Variants in SYNGR2 observed in about 807,000 individuals in gnomAD.
SYNGR2 encodes the protein synaptogyrin 2.
A neutral mutation model predicts 18.7 loss-of-function variants in SYNGR2; 11 were observed. That is an observed-to-expected ratio of 0.59 (90% CI 0.37 to 0.97). The LOEUF is 0.97. SYNGR2 is among the 50% of genes least tolerant of loss of function. SYNGR2 has a pLI of 0.01. For missense variants in SYNGR2, 253 were observed against 300.7 expected (o/e 0.84, Z 1.17); for synonymous variants, 127 against 131.0 (o/e 0.97, Z 0.21).
Position 78,172,693 on chromosome 17 carries a change from G to A in SYNGR2, c.*757G>A, listed in dbSNP as rs1371878090. On this transcript the variant is annotated 3_prime_UTR_variant, in exon 4 of 4. Transcript: ENST00000225777. ...AGATGCCCGGCCTGGGATGCTGTTT[G>A]GAGACGGAATAAATGTTTTCTCATT... 6.6e-6 allele frequency: 1 copy of A among 152,372 alleles called. No homozygotes were observed. The highest frequency in any genetic ancestry group is 2.4e-5 in the African/African-American group (1 of 41,448). The allele number at this position is 152,372 out of a possible 1,614,324, so 9.4% of individuals were successfully genotyped here.
chr17:78,170,050 G>A (rs903330935), intron 1 of SYNGR2: 1 of 152,524 alleles, frequency 6.6e-6, no homozygotes, highest in Non-Finnish European at 1.5e-5. Context: ...AAGGTGTTCA[G>A]GCAGAGGCTG....
chr17:78,171,332 C>A lies in SYNGR2; in HGVS notation c.338-178C>A. 1.3e-6 allele frequency: 1 copy of A among 799,186 alleles called. No individual in the cohort carries two copies. Among genetic ancestry groups the A allele is most frequent in the Non-Finnish European group, 1.9e-6 (1 of 520,000 alleles). 49.5% of individuals were successfully genotyped at this position (799,186 alleles called of 1,614,324 possible). Reference sequence around the variant, plus strand: ...AGGCTGTCTGCTGTGGCCCACCCTGCCAAGGCCCGAGTGTGGGGGACTTTG... The same window carrying A: ...AGGCTGTCTGCTGTGGCCCACCCTGACAAGGCCCGAGTGTGGGGGACTTTG... On this transcript the variant is annotated intron_variant, in intron 2 of 3. Transcript: ENST00000225777. This position sits in a 1 kb window ranked among gnomAD's most constrained non-coding sequence, Gnocchi z 6.6.
Position 78,170,961 on chromosome 17 carries a change from T to A in SYNGR2, c.244T>A (p.Ser82Thr). The part of the protein sequence containing the change: ...SAIGVLAFLA[S>T]AFFLVVDAYF... ...CATCGGGGTGCTGGCCTTCCTGGCC[T>A]CGGCCTTCTTCTTGGTGGTCGACGC... Residue 82 changes from serine to threonine, a missense_variant, in exon 2 of 4, where the codon TCG becomes ACG. Ser to Thr is a moderately conservative substitution (Grantham distance 58). Transcript: ENST00000225777. 6.2e-7 allele frequency: 1 copy of A among 1,613,164 alleles called. No homozygotes were observed. Among genetic ancestry groups the A allele is most frequent in the Non-Finnish European group, 8.5e-7 (1 of 1,180,004 alleles).
chr17:78,171,330 T>C lies in SYNGR2; in HGVS notation c.338-180T>C. 1.3e-6 allele frequency: 1 copy of C among 788,036 alleles called. No homozygotes were observed. The highest frequency in any genetic ancestry group is 2.7e-5 in the East Asian group (1 of 36,804). The allele number at this position is 788,036 out of a possible 1,614,324, so 48.8% of individuals were successfully genotyped here. ...CTAGGCTGTCTGCTGTGGCCCACCC[T>C]GCCAAGGCCCGAGTGTGGGGGACTT... On this transcript the variant is annotated intron_variant, in intron 2 of 3. Transcript: ENST00000225777. The surrounding 1 kb of genome is among the most constrained non-coding windows in gnomAD (Gnocchi z 6.6).
chr17:78,171,681 A>G lies in SYNGR2; in HGVS notation c.477+32A>G, dbSNP rs1175658640. 1 of 1,611,300 alleles carries G rather than the reference A, an allele frequency of 6.2e-7. No homozygotes were observed. Among genetic ancestry groups the G allele is most frequent in the Middle Eastern group, 1.7e-4 (1 of 6,052 alleles). ...TGGCCAGGGGCCGGTTCTTGGGTCA[A>G]GGGTGGTGGAGGGTGGGGTCCCCCA... On this transcript the variant is annotated intron_variant, in intron 3 of 3. Transcript: ENST00000225777. This position sits in a 1 kb window ranked among gnomAD's most constrained non-coding sequence, Gnocchi z 6.6.
chr17:78,172,097 G>A lies in SYNGR2; in HGVS notation c.*161G>A. The A allele has an allele frequency of 1.4e-6, 2 of 1,455,520 alleles. No homozygotes were observed. The highest frequency in any genetic ancestry group is 1.8e-6 in the Non-Finnish European group (2 of 1,103,234). The allele number at this position is 1,455,520 out of a possible 1,614,324, so 90.2% of individuals were successfully genotyped here. ...TCATAGCCTGGCGGGGGCTGGCAGAGCCACACCCCAAGTGCCTGTGCCCAG... is the reference window on the plus strand; with the variant it reads ...TCATAGCCTGGCGGGGGCTGGCAGAACCACACCCCAAGTGCCTGTGCCCAG... On this transcript the variant is annotated 3_prime_UTR_variant, in exon 4 of 4. Transcript: ENST00000225777.
chr17:78,172,918 T>A (rs1164548210), downstream of SYNGR2: 1 of 152,240 alleles, frequency 6.6e-6, no homozygotes, highest in Non-Finnish European at 1.5e-5. Context: ...CATCTTAAAA[T>A]AGTAACTGTG....
chr17:78,170,563 C>A lies in SYNGR2; in HGVS notation c.100-254C>A, dbSNP rs898854089. On this transcript the variant is annotated intron_variant, in intron 1 of 3. Coordinates refer to ENST00000225777, the MANE Select transcript of SYNGR2 (RefSeq NM_004710.7). ...AAAATACGGGTGTGGTGGAGGGCAC[C>A]TGTAATCCCAGCTACTAGGGAGGCT... 14 of 515,626 alleles carry A rather than the reference C, an allele frequency of 2.7e-5. No homozygotes were observed. The Admixed American group carries it at 4.3e-4, about 16-fold the overall frequency. The allele number at this position is 515,626 out of a possible 1,614,324, so 31.9% of individuals were successfully genotyped here. A position where few individuals can be genotyped will look rare whatever the true frequency, so the allele number is the denominator to read the frequency against.
At position 78,171,020 on chromosome 17, in the gene SYNGR2, C is replaced by A. The variant is rs141088963; in HGVS notation, c.303C>A (p.Arg101=). Reference sequence around the variant, plus strand: ...CCCAGATCAGCAACGCCACTGACCGCAAGTACCTGGTCATTGGTGACCTGC... The same window carrying A: ...CCCAGATCAGCAACGCCACTGACCGAAAGTACCTGGTCATTGGTGACCTGC... ...YFPQISNATD[R]KYLVIGDLLF... Residue 101 remains arginine (R), a synonymous_variant, in exon 2 of 4, where the codon CGC becomes CGA. Coordinates refer to ENST00000225777, the MANE Select transcript of SYNGR2 (RefSeq NM_004710.7). This position sits in a 1 kb window ranked among gnomAD's most constrained non-coding sequence, Gnocchi z 6.6. 1.4e-5 allele frequency: 23 copies of A among 1,613,318 alleles called. No homozygotes were observed. In the African/African-American group the frequency reaches 3.1e-4, roughly 22 times the overall value.
chr17:78,171,906 C>G lies in SYNGR2; in HGVS notation c.645C>G (p.Thr215=). 1.9e-6 allele frequency: 3 copies of G among 1,613,800 alleles called. No individual in the cohort carries two copies. The highest frequency in any genetic ancestry group is 2.5e-6 in the Non-Finnish European group (3 of 1,180,022). The change falls in exon 4 of 4, where the codon ACC becomes ACG. Residue 215 remains threonine (T), a synonymous_variant. Coordinates refer to ENST00000225777, the MANE Select transcript of SYNGR2 (RefSeq NM_004710.7). The surrounding 1 kb of genome is among the most constrained non-coding windows in gnomAD (Gnocchi z 6.6). ...QPPFTQNAET[T]EGYQPPPVY Reference sequence around the variant, plus strand: ...CCTTCACCCAGAACGCGGAGACCACCGAGGGCTACCAGCCGCCCCCTGTGT... The same window carrying G: ...CCTTCACCCAGAACGCGGAGACCACGGAGGGCTACCAGCCGCCCCCTGTGT...
Position 78,171,962 on chromosome 17 carries a change from C to G in SYNGR2, c.*26C>G. ...GCGGCGGTTAGCGTGGGAAGGGGGA[C>G]AGAGAGGGCCCTCCCCTCTGCCCTG... On this transcript the variant is annotated 3_prime_UTR_variant, in exon 4 of 4. Transcript: ENST00000225777. This position sits in a 1 kb window ranked among gnomAD's most constrained non-coding sequence, Gnocchi z 6.6. The G allele has an allele frequency of 6.2e-7, 1 of 1,609,904 alleles. No homozygotes were observed.
rs1302077813 is a variant in SYNGR2, at chr17:78,171,916, C to T, written c.655C>T (p.Gln219Ter). The T allele has an allele frequency of 5.6e-6, 9 of 1,613,648 alleles. No individual in the cohort carries two copies. Among genetic ancestry groups the T allele is most frequent in the Non-Finnish European group, 5.9e-6 (7 of 1,180,020 alleles). ...TQNAETTEGY[Q>*]PPPVY Reference sequence around the variant, plus strand: ...GAACGCGGAGACCACCGAGGGCTACCAGCCGCCCCCTGTGTACTGAGCGGC... The same window carrying T: ...GAACGCGGAGACCACCGAGGGCTACTAGCCGCCCCCTGTGTACTGAGCGGC... The change falls in exon 4 of 4, where the codon CAG becomes TAG. Residue 219 changes from glutamine (Q) to a stop codon, truncating the protein, a stop_gained. Coordinates refer to ENST00000225777, the MANE Select transcript of SYNGR2 (RefSeq NM_004710.7). LOFTEE classifies it high-confidence loss of function. This position sits in a 1 kb window ranked among gnomAD's most constrained non-coding sequence, Gnocchi z 6.6.
rs2075664480 is a variant in SYNGR2, at chr17:78,172,128, T to G, written c.*192T>G. ...CCCCAAGTGCCTGTGCCCAGAGGGC[T>G]TCAGTCAGCCGCTCACTCCTCCAGG... On this transcript the variant is annotated 3_prime_UTR_variant, in exon 4 of 4. Transcript: ENST00000225777. 1 of 1,350,396 alleles carries G rather than the reference T, an allele frequency of 7.4e-7. No individual in the cohort carries two copies. Among genetic ancestry groups the G allele is most frequent in the Non-Finnish European group, 9.8e-7 (1 of 1,020,074 alleles). The allele number at this position is 1,350,396 out of a possible 1,614,324, so 83.7% of individuals were successfully genotyped here.
In SYNGR2 at chr17:78,171,399, G is replaced by T; in HGVS notation, c.338-111G>T. 2 of 1,340,432 alleles carry T rather than the reference G, an allele frequency of 1.5e-6. No individual in the cohort carries two copies. The highest frequency in any genetic ancestry group is 2.4e-5 in the East Asian group (1 of 41,992). The allele number at this position is 1,340,432 out of a possible 1,614,324, so 83.0% of individuals were successfully genotyped here. On this transcript the variant is annotated intron_variant, in intron 2 of 3. Coordinates refer to ENST00000225777, the MANE Select transcript of SYNGR2 (RefSeq NM_004710.7). This position sits in a 1 kb window ranked among gnomAD's most constrained non-coding sequence, Gnocchi z 6.6. ...CGGCTTCCAAGTCCTCCCCTCCATA[G>T]TGTGGAGGCTCCCCCGGGAGGTCCC...
Position 78,168,720 on chromosome 17 carries a change from GC to G in SYNGR2, c.99+8del. 5.0e-6 allele frequency: 6 copies of G among 1,198,104 alleles called. No homozygotes were observed. The highest frequency in any genetic ancestry group is 6.2e-6 in the Non-Finnish European group (6 of 966,246). 74.2% of individuals were successfully genotyped at this position (1,198,104 alleles called of 1,614,324 possible). A position where few individuals can be genotyped will look rare whatever the true frequency, so the allele number is the denominator to read the frequency against. ...GTGGCGCGCGCCGTGTGCTTGGTGA[GC>G]CCGGGGAGGGCGGGCCGAGGGCACC... On this transcript the variant is annotated splice_donor_region_variant and intron_variant, in intron 1 of 3. Coordinates refer to ENST00000225777, the MANE Select transcript of SYNGR2 (RefSeq NM_004710.7).
intron 1 of SYNGR2, 121 bp from the exon 2 acceptor site, chr17:78,170,695 CA>C (rs2075651156): frequency 2.3e-6 from 2 of 861,016 alleles, no homozygotes; most frequent in Admixed American, 2.1e-5. Context: ...CAAACAACAA[CA>C]AAAACCCAAA....
chr17:78,168,673 C>T lies in SYNGR2; in HGVS notation c.57C>T (p.Arg19=). Residue 19 remains arginine, a synonymous_variant, in exon 1 of 4, where the codon CGC becomes CGT. Coordinates refer to ENST00000225777, the MANE Select transcript of SYNGR2 (RefSeq NM_004710.7). ...AKAGGSFDLR[R]FLTQPQVVAR... ...CGGGCGGCTCCTTCGACCTGCGGCG[C>T]TTCCTGACGCAGCCGCAGGTGGTGG... The T allele has an allele frequency of 8.3e-7, 1 of 1,204,516 alleles. No individual in the cohort carries two copies. The highest frequency in any genetic ancestry group is 1.0e-6 in the Non-Finnish European group (1 of 970,246). The allele number at this position is 1,204,516 out of a possible 1,614,324, so 74.6% of individuals were successfully genotyped here. A position where few individuals can be genotyped will look rare whatever the true frequency, so the allele number is the denominator to read the frequency against.
chr17:78,171,165 C>T lies in SYNGR2; in HGVS notation c.337+111C>T. The stretch of plus-strand genomic sequence containing the variant: ...GAGGGGCAGGGAGCAGCTCACTCCT[C>T]CAGGGCATTTTTAGGAAAGGGTTTT... On this transcript the variant is annotated intron_variant, in intron 2 of 3. Coordinates refer to ENST00000225777, the MANE Select transcript of SYNGR2 (RefSeq NM_004710.7). This position sits in a 1 kb window ranked among gnomAD's most constrained non-coding sequence, Gnocchi z 6.6. The T allele has an allele frequency of 9.4e-7, 1 of 1,067,542 alleles. No homozygotes were observed. Among genetic ancestry groups the T allele is most frequent in the South Asian group, 1.5e-5 (1 of 68,790 alleles). 66.1% of individuals were successfully genotyped at this position (1,067,542 alleles called of 1,614,324 possible).
At position 78,171,668 on chromosome 17, in the gene SYNGR2, G is replaced by C. The variant is rs751722510; in HGVS notation, c.477+19G>C. 8 of 1,606,596 alleles carry C rather than the reference G, an allele frequency of 5.0e-6. No homozygotes were observed. The highest frequency in any genetic ancestry group is 6.8e-6 in the Non-Finnish European group (8 of 1,174,612). On this transcript the variant is annotated intron_variant, in intron 3 of 3. Coordinates refer to ENST00000225777, the MANE Select transcript of SYNGR2 (RefSeq NM_004710.7). This position sits in a 1 kb window ranked among gnomAD's most constrained non-coding sequence, Gnocchi z 6.6. ...CTCCTGGGTAGGATGGCCAGGGGCC[G>C]GTTCTTGGGTCAAGGGTGGTGGAGG...
Sources: gnomAD v4.1 joint callset for allele counts on GRCh38, gnomAD v4.1.1 for gene constraint, Gnocchi (gnomAD v3.1) non-coding constraint, MANE v1.5 for transcripts, NCBI Gene and HGNC (gene_info 2026-07-23, HGNC 2026-07-21) for gene names.